The following RO60 variants were observed in gnomAD, a reference collection of about 807,000 sequenced individuals.
The protein encoded by RO60 is RNA-binding protein RO60.
Under a neutral mutation model 55.3 loss-of-function variants are expected in RO60, and 20 were observed. The observed-to-expected ratio is 0.36, with a 90% confidence interval of 0.25 to 0.53. The LOEUF is 0.53. Among genes scored for constraint, RO60 ranks in the 20% least tolerant of loss-of-function variants. The pLI is 0.92. For missense variants in RO60, 558 were observed against 646.6 expected (o/e 0.86, Z 1.49); for synonymous variants, 213 against 213.6 (o/e 1.00, Z 0.02).
At chr1:193,076,202 C>T (rs1673905729) in intron 3 of RO60, among the ~76,000 whole-genome samples, 162 bp downstream of exon 3, 1 of 151,794 alleles carries the variant, frequency 6.6e-6, no homozygotes, top group Non-Finnish European at 1.5e-5. Flanking sequence ...CCATGATGTC[C>T]AACATGATGT....
Position 193,090,563 on chromosome 1 carries a change from C to CATCTTTTATAAA in RO60, c.*5834_*5845dup, listed in dbSNP as rs1674819632. ...TTCCAAAGGGATGAGATATAAGAAT[C>CATCTTTTATAAA]ATCTTTTATAAAAACCAGTGGGGAG... is the stretch of plus-strand genomic sequence containing the variant. On this transcript the variant is annotated 3_prime_UTR_variant, in exon 9 of 9. Coordinates refer to ENST00000400968, the MANE Select transcript of RO60 (RefSeq NM_001173524.2). 6.6e-6 allele frequency: 1 copy of CATCTTTTATAAA among 151,636 alleles called. No homozygotes were observed. Among genetic ancestry groups the CATCTTTTATAAA allele is most frequent in the Non-Finnish European group, 1.5e-5 (1 of 67,910 alleles). 9.4% of individuals were successfully genotyped at this position (151,636 alleles called of 1,614,324 possible).
intron 2 of RO60, among the ~76,000 whole-genome samples, 183 bp downstream of exon 2, chr1:193,069,817 C>T (rs1673360104): frequency 6.6e-6 from 1 of 152,130 alleles, no homozygotes; most frequent in South Asian, 2.1e-4. Flanking sequence ...ACAGGCGATC[C>T]AGACATTAAT....
chr1:193,061,789 C>A (rs1572052800), intron 1 of RO60, among the ~76,000 whole-genome samples: 1 of 152,092 alleles, frequency 6.6e-6, no homozygotes, highest in East Asian at 1.9e-4. Context: ...TCAAGACCAG[C>A]CTGGCCAACA....
Position 193,084,862 on chromosome 1 carries a change from T to A in RO60, c.*131T>A. 1 of 1,476,960 alleles carries A rather than the reference T, an allele frequency of 6.8e-7. No individual in the cohort carries two copies. Among genetic ancestry groups the A allele is most frequent in the African/African-American group, 1.4e-5 (1 of 70,080 alleles). 91.5% of individuals were successfully genotyped at this position (1,476,960 alleles called of 1,614,324 possible). On this transcript the variant is annotated 3_prime_UTR_variant, in exon 9 of 9. Coordinates refer to ENST00000400968, the MANE Select transcript of RO60 (RefSeq NM_001173524.2). ...GTATGTGCATAATGGAAAGTTACCT[T>A]ACTGAAAAAAAAAAAAGAAGGAAAA...
Position 193,082,549 on chromosome 1 carries a change from TG to T in RO60, c.1318-12del. On this transcript the variant is annotated splice_polypyrimidine_tract_variant and intron_variant, in intron 7 of 8. Transcript: ENST00000400968. ...TTATTTACTTATTTATTCATGCTTT[TG>T]TTCCGAATTAGATCCCAGCAGGTGG... 1 of 1,613,420 alleles carries T rather than the reference TG, an allele frequency of 6.2e-7. No individual in the cohort carries two copies. The highest frequency in any genetic ancestry group is 8.5e-7 in the Non-Finnish European group (1 of 1,179,516).
Position 193,090,973 on chromosome 1 carries a change from A to C in RO60, c.*6242A>C, listed in dbSNP as rs376114487. 6 of 152,292 alleles carry C rather than the reference A, an allele frequency of 3.9e-5. No individual in the cohort carries two copies. In the South Asian group the frequency reaches 6.2e-4, roughly 16 times the overall value. 9.4% of individuals were successfully genotyped at this position (152,292 alleles called of 1,614,324 possible). A position where few individuals can be genotyped will look rare whatever the true frequency, so the allele number is the denominator to read the frequency against. Reference sequence around the variant, plus strand: ...AACATCCAATAACAGGAAAATCTAGATACAGTGATGTGTTATACATACATG... The same window carrying C: ...AACATCCAATAACAGGAAAATCTAGCTACAGTGATGTGTTATACATACATG... On this transcript the variant is annotated 3_prime_UTR_variant, in exon 9 of 9. Coordinates refer to ENST00000400968, the MANE Select transcript of RO60 (RefSeq NM_001173524.2).
At chr1:193,070,049 A>G (rs908752746) in intron 2 of RO60, among the ~76,000 whole-genome samples, 20 of 152,070 alleles carry the variant, frequency 1.3e-4, no homozygotes, top group Non-Finnish European at 2.9e-5. Flanking sequence ...TGGTCTCAGT[A>G]TAATCGTTTG....
At chr1:193,078,990 T>C (rs1674110984) in intron 5 of RO60, among the ~76,000 whole-genome samples, 1 of 150,400 alleles carries the variant, frequency 6.6e-6, no homozygotes, top group African/African-American at 2.4e-5. Context: ...GCTGCAGTAA[T>C]CAAAACAGTG....
chr1:193,083,484 G>A (rs1674456656), intron 8 of RO60, among the ~76,000 whole-genome samples: 1 of 152,188 alleles, frequency 6.6e-6, no homozygotes, highest in Non-Finnish European at 1.5e-5. Flanking sequence ...CTAATCACAT[G>A]GGACTTTTGA....
chr1:193,075,357 G>A (rs1004808134), intron 2 of RO60, among the ~76,000 whole-genome samples: 2 of 144,944 alleles, frequency 1.4e-5, no homozygotes, highest in African/African-American at 5.1e-5. Context: ...AAGCTACCCT[G>A]TCCACTTCTA....
chr1:193,069,586 T>C lies in RO60; in HGVS notation c.532T>C (p.Ser178Pro). The C allele has an allele frequency of 6.2e-7, 1 of 1,614,078 alleles. No individual in the cohort carries two copies. Among genetic ancestry groups the C allele is most frequent in the Non-Finnish European group, 8.5e-7 (1 of 1,180,010 alleles). Residue 178 changes from serine to proline, a missense_variant, in exon 2 of 9, where the codon TCT (serine) becomes CCT (proline). Ser to Pro is a moderately conservative substitution (Grantham distance 74). Coordinates refer to ENST00000400968, the MANE Select transcript of RO60 (RefSeq NM_001173524.2). ...AAAATATAAACAGAGAAATGGCTGG[T>C]CTCACAAAGATCTATTAAGATTGTC... ...VTKYKQRNGW[S>P]HKDLLRLSHL...
chr1:193,059,845 G>C lies in RO60; in HGVS notation c.-22+69G>C. The C allele has an allele frequency of 7.3e-7, 1 of 1,362,174 alleles. No individual in the cohort carries two copies. Among genetic ancestry groups the C allele is most frequent in the Non-Finnish European group, 9.8e-7 (1 of 1,019,938 alleles). The allele number at this position is 1,362,174 out of a possible 1,614,324, so 84.4% of individuals were successfully genotyped here. A position where few individuals can be genotyped will look rare whatever the true frequency, so the allele number is the denominator to read the frequency against. On this transcript the variant is annotated intron_variant, in intron 1 of 8. Transcript: ENST00000400968. The surrounding 1 kb of genome is among the most constrained non-coding windows in gnomAD (Gnocchi z 4.9). ...CCCAGGGACGCGCAAATTCTGACCA[G>C]TCCTCCATGTCTCTCACCCGCATCC...
chr1:193,091,693 G>A (rs1330858002), downstream of RO60: 4 of 1,611,034 alleles, frequency 2.5e-6, no homozygotes, highest in South Asian at 1.1e-5. Context: ...TAGACATGGA[G>A]TGCAGGTGGA....
Position 193,085,033 on chromosome 1 carries a change from T to C in RO60, c.*302T>C, listed in dbSNP as rs1379706533. 4 of 1,530,448 alleles carry C rather than the reference T, an allele frequency of 2.6e-6. No individual in the cohort carries two copies. Among genetic ancestry groups the C allele is most frequent in the African/African-American group, 2.8e-5 (2 of 72,214 alleles). 94.8% of individuals were successfully genotyped at this position (1,530,448 alleles called of 1,614,324 possible). On this transcript the variant is annotated 3_prime_UTR_variant, in exon 9 of 9. Coordinates refer to ENST00000400968, the MANE Select transcript of RO60 (RefSeq NM_001173524.2). The stretch of plus-strand genomic sequence containing the variant: ...CTTTGTTGAATAATACGTGTGTACC[T>C]AAAAGAGGTAAGAGCAAAAAGTGTA...
chr1:193,064,045 T>C (rs570522683), intron 1 of RO60, among the ~76,000 whole-genome samples: 3 of 151,464 alleles, frequency 2.0e-5, no homozygotes, highest in African/African-American at 7.3e-5. Flanking sequence ...TAGACACATA[T>C]GGCAAGGTCT....
At position 193,087,789 on chromosome 1, in the gene RO60, G is replaced by A. The variant is rs1313542999; in HGVS notation, c.*3058G>A. On this transcript the variant is annotated 3_prime_UTR_variant, in exon 9 of 9. Transcript: ENST00000400968. ...AAAAACATTCTTGTTAATAAGATAC[G>A]TATTTCAAAAGATAAAATGTTTTAG... 1 of 151,572 alleles carries A rather than the reference G, an allele frequency of 6.6e-6. No individual in the cohort carries two copies. The highest frequency in any genetic ancestry group is 1.5e-5 in the Non-Finnish European group (1 of 67,908). 9.4% of individuals were successfully genotyped at this position (151,572 alleles called of 1,614,324 possible).
intron 3 of RO60, 62 bp from the exon 4 acceptor site, chr1:193,076,439 G>T (rs955047151): frequency 6.6e-7 from 1 of 1,516,260 alleles, no homozygotes; most frequent in Non-Finnish European, 8.9e-7. Flanking sequence ...TTTTATATAG[G>T]TATGTTATAC....
intron 5 of RO60, among the ~76,000 whole-genome samples, chr1:193,077,517 G>C (rs1347748084): frequency 1.3e-5 from 2 of 152,138 alleles, no homozygotes; most frequent in African/African-American, 2.4e-5. Context: ...TGAGCATAAG[G>C]GGGGAAGCTC....
At chr1:193,070,845 A>G (rs1673441274) in intron 2 of RO60, among the ~76,000 whole-genome samples, 1 of 152,216 alleles carries the variant, frequency 6.6e-6, no homozygotes, top group South Asian at 2.1e-4. Context: ...GTAAATAATA[A>G]ATTGCAAATA....
Sources: allele counts gnomAD v4.1 joint callset (sites outside exome capture counted in the v4.1 genomes callset), GRCh38; gene constraint gnomAD v4.1.1; non-coding constraint Gnocchi (gnomAD v3.1); transcripts MANE v1.5; gene names NCBI Gene and HGNC (gene_info 2026-07-23, HGNC 2026-07-21).